TRIOBP: variants seen among roughly 807,000 people sequenced by gnomAD.
The protein encoded by TRIOBP is TRIO and F-actin binding protein, also known as TRIO and F-actin-binding protein.
In TRIOBP, 169 loss-of-function variants were observed where a neutral mutation model predicts 238.8. The ratio of observed to expected loss-of-function variants is 0.71; its 90% confidence interval spans 0.62 to 0.80. The LOEUF (loss-of-function observed/expected upper bound fraction) is 0.80. TRIOBP is among the 30% of genes least tolerant of loss of function. TRIOBP has a pLI of 0.00. For missense variants in TRIOBP, 2,838 were observed against 3,122.6 expected, an observed-to-expected ratio of 0.91 and a Z score of 2.17; for synonymous variants, 1,150 against 1,274.4, an observed-to-expected ratio of 0.90 and a Z score of 2.08.
At chr22:37,753,479 A>G (rs960056742) in intron 12 of TRIOBP, among the ~76,000 whole-genome samples, 2 of 152,102 alleles carry the variant, frequency 1.3e-5, no homozygotes, top group African/African-American at 4.8e-5. Context: ...GGGTTTCTCC[A>G]TGTTGGTCAG....
In TRIOBP at chr22:37,734,702, C is replaced by A. The variant is rs1569046322; in HGVS notation, c.4366C>A (p.Pro1456Thr). Residue 1456 changes from proline (P) to threonine (T), a missense_variant, in exon 9 of 24, where the codon CCT (proline) becomes ACT (threonine). Coordinates refer to ENST00000644935, the MANE Select transcript of TRIOBP (RefSeq NM_001039141.3). ...SWSSQEGGLG[P>T]GGWWGCGEPS... ...GAGCAGCCAGGAGGGAGGCCTGGGC[C>A]CTGGGGGCTGGTGGGGATGTGGAGA... 6.2e-7 allele frequency: 1 copy of A among 1,607,364 alleles called. No homozygotes were observed. The highest frequency in any genetic ancestry group is 1.7e-5 in the Admixed American group (1 of 58,972).
chr22:37,753,530 C>T (rs1187624820), intron 12 of TRIOBP, among the ~76,000 whole-genome samples: 1 of 152,224 alleles, frequency 6.6e-6, no homozygotes, highest in Non-Finnish European at 1.5e-5. Flanking sequence ...CCACCCTTCT[C>T]AGCCTCCCAA....
chr22:37,720,435 T>C (rs750512665), intron 6 of TRIOBP, among the ~76,000 whole-genome samples: 15 of 152,154 alleles, frequency 9.9e-5, no homozygotes, highest in Non-Finnish European at 1.9e-4. Flanking sequence ...TTAGTCCCTC[T>C]CCTCATCTCC....
Position 37,726,461 on chromosome 22 carries a change from CTGGCCGTGCAGAGG to C in TRIOBP, c.3909_3922del (p.Arg1304AlafsTer72), listed in dbSNP as rs1924169941. ...AGCAGCGGGGGCCGCACCCACAGCC[CTGGCCGTGCAGAGG>C]TGGAGCGCCTCTTCGGGCAAGAGCG... is the stretch of plus-strand genomic sequence containing the variant. On this transcript the variant is annotated frameshift_variant, in exon 7 of 24. Coordinates refer to ENST00000644935, the MANE Select transcript of TRIOBP (RefSeq NM_001039141.3). LOFTEE classifies it high-confidence loss of function. The C allele has an allele frequency of 6.4e-7, 1 of 1,556,382 alleles. No homozygotes were observed. Among genetic ancestry groups the C allele is most frequent in the Non-Finnish European group, 8.6e-7 (1 of 1,156,208 alleles).
intron 2 of TRIOBP, among the ~76,000 whole-genome samples, chr22:37,698,248 T>TATG (rs1922457404): frequency 7.3e-6 from 1 of 137,894 alleles, no homozygotes; most frequent in Non-Finnish European, 1.5e-5. Context: ...TTCAGAAGGG[T>TATG]ATGATGCTTC....
intron 18 of TRIOBP, among the ~76,000 whole-genome samples, chr22:37,766,699 G>T (rs1926509693): frequency 6.6e-6 from 1 of 152,252 alleles, no homozygotes; most frequent in African/African-American, 2.4e-5. Context: ...AGTGGCTCAT[G>T]CCTGTAATCC....
chr22:37,749,783 C>CAAAAAA (rs893218020), intron 11 of TRIOBP, among the ~76,000 whole-genome samples: 10 of 60,282 alleles, frequency 1.7e-4, no homozygotes, highest in African/African-American at 5.0e-4. Flanking sequence ...CCCATCTCTA[C>CAAAAAA]AAAAAAAAAA....
chr22:37,755,530 C>G lies in TRIOBP; in HGVS notation c.5578-20C>G. On this transcript the variant is annotated intron_variant, in intron 14 of 23. Transcript: ENST00000644935. ...ATGCGGCTGGCCATGTGGCAACCTACCCATGCGGTGGCCTTGCAGACCAAG... is the reference window on the plus strand; with the variant it reads ...ATGCGGCTGGCCATGTGGCAACCTAGCCATGCGGTGGCCTTGCAGACCAAG... 6.2e-7 allele frequency: 1 copy of G among 1,608,890 alleles called. No homozygotes were observed. The highest frequency in any genetic ancestry group is 8.5e-7 in the Non-Finnish European group (1 of 1,175,478).
chr22:37,742,303 C>T (rs1924977311), intron 11 of TRIOBP, among the ~76,000 whole-genome samples: 1 of 146,732 alleles, frequency 6.8e-6, no homozygotes, highest in Non-Finnish European at 1.5e-5. Flanking sequence ...TCGTTCTACC[C>T]CCAGACTGGA....
chr22:37,755,707 C>T (rs372614974), intron 15 of TRIOBP, 48 bp downstream of exon 15: 46 of 1,561,522 alleles, frequency 2.9e-5, no homozygotes, highest in African/African-American at 1.6e-4. Context: ...CTTACCCTTG[C>T]GTCCCCGAGT....
intron 2 of TRIOBP, among the ~76,000 whole-genome samples, chr22:37,698,885 C>T (rs1448783115): frequency 6.6e-6 from 1 of 152,016 alleles, no homozygotes; most frequent in Non-Finnish European, 1.5e-5. Flanking sequence ...CAGTGGCTCA[C>T]ACCTGTAATC....
chr22:37,721,861 G>A (rs974020673), intron 6 of TRIOBP, among the ~76,000 whole-genome samples: 1 of 152,212 alleles, frequency 6.6e-6, no homozygotes, highest in African/African-American at 2.4e-5. Context: ...ACATAGGGGT[G>A]CTCAACACCT....
intron 3 of TRIOBP, among the ~76,000 whole-genome samples, chr22:37,705,041 C>G (rs1922861773): frequency 6.6e-6 from 1 of 152,070 alleles, no homozygotes; most frequent in South Asian, 2.1e-4. Flanking sequence ...CCAATGCACT[C>G]CAGCCTGGGC....
At position 37,721,115 on chromosome 22, in the gene TRIOBP, C is replaced by T. The variant is rs532373022; in HGVS notation, c.629-2070C>T. 7.3e-5 allele frequency among the ~76,000 whole-genome samples: 11 copies of T among 151,704 alleles called. No homozygotes were observed. The East Asian group carries it at 7.8e-4, about 11-fold the overall frequency. ...CGATCTCCTGACCTTGTGATCCGCC[C>T]GCCTCGGCCTCCCAAAGTGCTGGGA... On this transcript the variant is annotated intron_variant, in intron 6 of 23. Coordinates refer to ENST00000644935, the MANE Select transcript of TRIOBP (RefSeq NM_001039141.3).
At position 37,734,836 on chromosome 22, in the gene TRIOBP, T is replaced by C. The variant is rs1400377337; in HGVS notation, c.4500T>C (p.His1500=). 6.2e-7 allele frequency: 1 copy of C among 1,612,474 alleles called. No homozygotes were observed. The highest frequency in any genetic ancestry group is 8.5e-7 in the Non-Finnish European group (1 of 1,179,894). Residue 1500 remains histidine, a synonymous_variant, in exon 9 of 24, where the codon CAT becomes CAC. Transcript: ENST00000644935. ...AGGCCTGGGAGGAGAAGCCCACTCATGAGCTCCCCAGAGAACTAGGAAAGA... is the reference window on the plus strand; with the variant it reads ...AGGCCTGGGAGGAGAAGCCCACTCACGAGCTCCCCAGAGAACTAGGAAAGA... The part of the protein sequence containing the change: ...QPEAWEEKPT[H]ELPRELGKRS...
At chr22:37,710,991 C>T (rs1923207599) in intron 4 of TRIOBP, among the ~76,000 whole-genome samples, 1 of 152,248 alleles carries the variant, frequency 6.6e-6, no homozygotes. Flanking sequence ...GGGGCACCTG[C>T]TGTCACCCAC....
In TRIOBP at chr22:37,725,252, G is replaced by A. The variant is rs372050770; in HGVS notation, c.2696G>A (p.Arg899His). 52 of 1,613,806 alleles carry A rather than the reference G, an allele frequency of 3.2e-5. No individual in the cohort carries two copies. Among genetic ancestry groups the A allele is most frequent in the Non-Finnish European group, 3.9e-5 (46 of 1,180,024 alleles). The change falls in exon 7 of 24, where the codon CGT (arginine) becomes CAT (histidine). Residue 899 changes from arginine (R) to histidine (H), a missense_variant. Arg to His is a conservative substitution (Grantham distance 29, BLOSUM62 0). Transcript: ENST00000644935. ...WNNPRNSSPHRTNKDIPWASF... is the reference protein window; with the variant it reads ...WNNPRNSSPHHTNKDIPWASF... ...AATCCCAGGAATTCATCTCCCCATC[G>A]TACTAACAAAGACATCCCCTGGGCC...
chr22:37,746,542 TG>T, intron 11 of TRIOBP: 1 of 914,216 alleles, frequency 1.1e-6, no homozygotes, highest in Non-Finnish European at 1.4e-6. Flanking sequence ...AGAGGAGGGC[TG>T]GGCCGGAAGA....
At chr22:37,733,251 C>A in intron 7 of TRIOBP, 47 bp from the exon 8 acceptor site, 1 of 1,435,712 alleles carries the variant, frequency 7.0e-7, no homozygotes, top group Non-Finnish European at 9.6e-7. Flanking sequence ...GGCTGGGGTG[C>A]TGGGAGTGGG....
Sources: allele counts gnomAD v4.1 joint callset (sites outside exome capture counted in the v4.1 genomes callset), GRCh38; gene constraint gnomAD v4.1.1; transcripts MANE v1.5; gene names NCBI Gene and HGNC (gene_info 2026-07-23, HGNC 2026-07-21).